Variants in MAP2K6 observed in about 807,000 individuals in gnomAD.
The protein encoded by MAP2K6 is mitogen-activated protein kinase kinase 6.
Under a neutral mutation model 53.7 loss-of-function variants are expected in MAP2K6, and 16 were observed. The ratio of observed to expected loss-of-function variants is 0.30; its 90% CI spans 0.20 to 0.45. The LOEUF (loss-of-function observed/expected upper bound fraction) is 0.45, where lower values mean the gene tolerates loss of function less well. MAP2K6 is among the 20% of genes least tolerant of loss of function. The probability of loss-of-function intolerance (pLI) is 1.00; values close to 1 mark genes in which losing one functional copy is unlikely to be tolerated. For synonymous variants in MAP2K6, 132 were observed against 143.1 expected, an observed-to-expected ratio of 0.92 and a Z score of 0.55; for missense variants, 204 against 411.9, an observed-to-expected ratio of 0.50 and a Z score of 4.37.
At chr17:69,466,386 G>C (rs116659178) in intron 1 of MAP2K6, among the ~76,000 whole-genome samples, 2,203 of 151,928 alleles carry the variant, frequency 0.015, 45 homozygotes, top group African/African-American at 0.045. Flanking sequence ...TTCCTCTATG[G>C]AAAAGCATAT....
chr17:69,495,015 C>A (rs1016434747), intron 1 of MAP2K6, among the ~76,000 whole-genome samples: 1 of 148,972 alleles, frequency 6.7e-6, no homozygotes, highest in Non-Finnish European at 1.5e-5. Context: ...AGAAAAAAAA[C>A]CAAAAACCAA....
chr17:69,535,553 C>T (rs1415880640), intron 10 of MAP2K6, among the ~76,000 whole-genome samples: 1 of 151,970 alleles, frequency 6.6e-6, no homozygotes, highest in African/African-American at 2.4e-5. Flanking sequence ...GATTGTATGC[C>T]CCTGCACTCC....
At chr17:69,514,334 C>G (rs990293901) in intron 2 of MAP2K6, among the ~76,000 whole-genome samples, 10 of 152,048 alleles carry the variant, frequency 6.6e-5, no homozygotes, top group Admixed American at 1.3e-4. Context: ...AGAAAAATTC[C>G]CTGCTCAGAA....
intron 10 of MAP2K6, among the ~76,000 whole-genome samples, chr17:69,532,116 A>G (rs763697633): frequency 2.0e-5 from 3 of 152,178 alleles, no homozygotes; most frequent in Non-Finnish European, 4.4e-5. Context: ...AGGGTAGTGG[A>G]GGCCCACTCA....
intron 1 of MAP2K6, among the ~76,000 whole-genome samples, chr17:69,457,444 T>C (rs1023842440): frequency 6.6e-6 from 1 of 152,208 alleles, no homozygotes; most frequent in Non-Finnish European, 1.5e-5. Context: ...TAGGGGATCC[T>C]CTTCTTATTA....
At chr17:69,459,957 T>C (rs1456892542) in intron 1 of MAP2K6, among the ~76,000 whole-genome samples, 2 of 150,642 alleles carry the variant, frequency 1.3e-5, no homozygotes, top group Non-Finnish European at 3.0e-5. Context: ...TTCCTTCCTT[T>C]CCTTCTCCCT....
chr17:69,516,989 G>A (rs1910185388), intron 3 of MAP2K6, 86 bp downstream of exon 3: 5 of 1,076,550 alleles, frequency 4.6e-6, no homozygotes, highest in Non-Finnish European at 7.0e-6. Flanking sequence ...TCCCTAGCAT[G>A]CTGTCAGGGG....
chr17:69,520,196 A>G, intron 5 of MAP2K6, 74 bp from the exon 6 acceptor site: 4 of 760,034 alleles, frequency 5.3e-6, no homozygotes, highest in Non-Finnish European at 8.9e-6. Context: ...GATAGGGTTT[A>G]CTGTTTTTTT....
rs1487520719 is a variant in MAP2K6 at position 69,553,810 on chromosome 17, G to A, written c.*12057G>A. The A allele has an allele frequency of 6.6e-6, 1 of 152,188 alleles. No individual in the cohort carries two copies. The highest frequency in any genetic ancestry group is 2.4e-5 in the African/African-American group (1 of 41,440). 9.4% of individuals were successfully genotyped at this position (152,188 alleles called of 1,614,324 possible). A position where few individuals can be genotyped will look rare whatever the true frequency, so the allele number is the denominator to read the frequency against. On this transcript the variant is annotated 3_prime_UTR_variant, in exon 12 of 12. Transcript: ENST00000590474. ...AGCAAAGTGTTCTTGAAAGAAAATG[G>A]TGTGTTGATCTCATAAGAAAATGTA... is the stretch of plus-strand genomic sequence containing the variant.
At chr17:69,418,255 C>T (rs952851332) in intron 1 of MAP2K6, among the ~76,000 whole-genome samples, 4 of 152,056 alleles carry the variant, frequency 2.6e-5, no homozygotes, top group Non-Finnish European at 2.9e-5. Context: ...TTAGAGCATG[C>T]GGCCTGTTAA....
rs550764754 is a variant in MAP2K6 at position 69,469,718 on chromosome 17, G to A, written c.17-36062G>A. Among the ~76,000 whole-genome samples the A allele has an allele frequency of 4.6e-5, 7 of 152,132 alleles. No individual in the cohort carries two copies. In the East Asian group the frequency reaches 9.7e-4, roughly 21 times the overall value. On this transcript the variant is annotated intron_variant, in intron 1 of 11. Coordinates refer to ENST00000590474, the MANE Select transcript of MAP2K6 (RefSeq NM_002758.4). ...GCAGAGGTTACAGGGAATGGAGATCGCTCCACTGCACCCCAGCCTGGGGGC... is the reference window on the plus strand; with the variant it reads ...GCAGAGGTTACAGGGAATGGAGATCACTCCACTGCACCCCAGCCTGGGGGC...
At chr17:69,455,437 G>A (rs531568571) in intron 1 of MAP2K6, among the ~76,000 whole-genome samples, 94 of 152,218 alleles carry the variant, frequency 6.2e-4, no homozygotes, top group African/African-American at 2.2e-3. Flanking sequence ...TGACAACCTC[G>A]AAAGGCAGGA....
intron 1 of MAP2K6, among the ~76,000 whole-genome samples, chr17:69,453,054 G>A (rs1907281777): frequency 6.6e-6 from 1 of 152,184 alleles, no homozygotes; most frequent in Non-Finnish European, 1.5e-5. Flanking sequence ...TTGGGACGAA[G>A]TGACTCATGG....
rs368652770 is a variant in MAP2K6 at position 69,463,691 on chromosome 17, T to C, written c.17-42089T>C. On this transcript the variant is annotated intron_variant, in intron 1 of 11. Coordinates refer to ENST00000590474, the MANE Select transcript of MAP2K6 (RefSeq NM_002758.4). ...ATATGTATATACACACACACACACA[T>C]ATATACACACAAATACATATATGTA... Among the ~76,000 whole-genome samples, 275 of 151,230 alleles carry C rather than the reference T, an allele frequency of 1.8e-3. 4 individuals carry two copies. The highest frequency in any genetic ancestry group is 0.014 in the Middle Eastern group (4 of 294).
chr17:69,485,948 G>T (rs1440804143), intron 1 of MAP2K6, among the ~76,000 whole-genome samples: 1 of 151,980 alleles, frequency 6.6e-6, no homozygotes, highest in Non-Finnish European at 1.5e-5. Flanking sequence ...TTTCTCAATA[G>T]ACTACAATCT....
At chr17:69,512,355 T>TTTTTTTTTTTG (rs1362145465) in intron 2 of MAP2K6, among the ~76,000 whole-genome samples, 1 of 135,366 alleles carries the variant, frequency 7.4e-6, no homozygotes, top group Non-Finnish European at 1.6e-5. Context: ...TTTTTTTTTT[T>TTTTTTTTTTTG]TTGAGACAGA....
Position 69,414,981 on chromosome 17 carries a change from GA to G in MAP2K6, c.1del. The G allele has an allele frequency of 3.2e-6, 5 of 1,554,706 alleles. No homozygotes were observed. Among genetic ancestry groups the G allele is most frequent in the African/African-American group, 2.7e-5 (2 of 73,670 alleles). ...TCCCCTCCCCCATCAAAGGAAAGGG[GA>G]AAATGTCTCAGTCGAAAGGTAAGAG... On this transcript the variant is annotated 5_prime_UTR_variant, in exon 1 of 12. Transcript: ENST00000590474.
intron 1 of MAP2K6, among the ~76,000 whole-genome samples, chr17:69,467,395 T>C (rs1907848732): frequency 6.6e-6 from 1 of 152,206 alleles, no homozygotes. Flanking sequence ...GGCTGATGTT[T>C]GTTAGGAAGT....
chr17:69,525,036 G>C (rs1910693556), intron 9 of MAP2K6, 58 bp downstream of exon 9: 2 of 1,453,528 alleles, frequency 1.4e-6, no homozygotes, highest in Non-Finnish European at 1.9e-6. Flanking sequence ...CTAGAATGAG[G>C]TGGACGTTGG....
Sources: allele counts gnomAD v4.1 joint callset (sites outside exome capture counted in the v4.1 genomes callset), GRCh38; gene constraint gnomAD v4.1.1; transcripts MANE v1.5; gene names NCBI Gene and HGNC (gene_info 2026-07-23, HGNC 2026-07-21).